ODF2L: variants seen among roughly 807,000 people sequenced by gnomAD.
ODF2L encodes protein BCAP.
Under a neutral mutation model 86.3 loss-of-function variants are expected in ODF2L, and 76 were observed. That is an observed-to-expected ratio of 0.88 (90% CI 0.73 to 1.07). The LOEUF is 1.07. Among genes scored for constraint, ODF2L ranks in the 50% least tolerant of loss-of-function variants. The pLI is 0.00. For missense variants in ODF2L, 748 were observed against 717.4 expected, an observed-to-expected ratio of 1.04 and a Z score of -0.49; for synonymous variants, 241 against 231.3, an observed-to-expected ratio of 1.04 and a Z score of -0.38.
chr1:86,371,030 A>C (rs1196123040), exon 10 of ODF2L: 1 of 1,568,538 alleles, frequency 6.4e-7, no homozygotes, highest in Non-Finnish European at 8.6e-7. Context: ...TTAATTTTGT[A>C]TTCTCAAGAT....
chr1:86,365,409 T>C (rs762726179), intron 11 of ODF2L, among the ~76,000 whole-genome samples: 1 of 151,992 alleles, frequency 6.6e-6, no homozygotes, highest in Non-Finnish European at 1.5e-5. Context: ...CTGGTATGGA[T>C]GGATGGAGGG....
rs573847182 is a variant in ODF2L at position 86,362,998 on chromosome 1, T to C, written c.1144-2462A>G. Among the ~76,000 whole-genome samples, 48 of 151,854 alleles carry C rather than the reference T, an allele frequency of 3.2e-4. No homozygotes were observed. In the South Asian group the frequency reaches 9.5e-3, roughly 30 times the overall value. On this transcript the variant is annotated intron_variant, in intron 11 of 17. Transcript: ENST00000317336. ...AAACAACTCTACTGCTAATACTGAA[T>C]GCTGCCTGCAGGGGCCAGGGCTGAA...
At chr1:86,355,528 A>G in intron 14 of ODF2L, 1 of 617,180 alleles carries the variant, frequency 1.6e-6, no homozygotes, top group Non-Finnish European at 2.9e-6. Flanking sequence ...TTTTGTCTGC[A>G]TATTTTTATC....
chr1:86,390,060 C>CA (rs910952890), intron 1 of ODF2L, among the ~76,000 whole-genome samples: 2 of 152,124 alleles, frequency 1.3e-5, no homozygotes, highest in African/African-American at 4.8e-5. Flanking sequence ...ACCCTAATGC[C>CA]AAAACCAGGA....
chr1:86,370,937 A>G, intron 10 of ODF2L, 81 bp downstream of exon 10: 1 of 872,708 alleles, frequency 1.1e-6, no homozygotes, highest in Non-Finnish European at 1.7e-6. Context: ...CTCTAAACAT[A>G]CTCTTTCTTC....
chr1:86,349,280 GATA>G (rs1301195041), downstream of ODF2L: 1 of 152,204 alleles, frequency 6.6e-6, no homozygotes, highest in Non-Finnish European at 1.5e-5. Context: ...TTCTAGTTTT[GATA>G]ATGTGAACAT....
In ODF2L at chr1:86,376,311, CT is replaced by C. The variant is rs36121011; in HGVS notation, c.731del (p.Lys244ArgfsTer49). The stretch of plus-strand genomic sequence containing the variant: ...GCCTTTGTTTGTAAACTTTAGATGC[CT>C]TTTTTAAAGCTACAGTTTTTTGCCT... On this transcript the variant is annotated frameshift_variant, in exon 8 of 18. Coordinates refer to ENST00000317336, the Ensembl canonical transcript of ODF2L. LOFTEE classifies it high-confidence loss of function. 1 of 1,612,238 alleles carries C rather than the reference CT, an allele frequency of 6.2e-7. No individual in the cohort carries two copies. The highest frequency in any genetic ancestry group is 8.5e-7 in the Non-Finnish European group (1 of 1,178,770).
chr1:86,386,902 C>T lies in ODF2L; in HGVS notation c.113+13G>A, dbSNP rs777680260. ...TCGGAAATTTAGATTTCCCCTGATA[C>T]TGATGAGAATACCAGCTGAGATGAC... On this transcript the variant is annotated intron_variant, in intron 2 of 17. Transcript: ENST00000317336. 1 of 1,333,696 alleles carries T rather than the reference C, an allele frequency of 7.5e-7. No homozygotes were observed. The allele number at this position is 1,333,696 out of a possible 1,614,324, so 82.6% of individuals were successfully genotyped here.
At chr1:86,373,642 A>C (rs1039775264) in intron 8 of ODF2L, among the ~76,000 whole-genome samples, 3 of 152,064 alleles carry the variant, frequency 2.0e-5, no homozygotes, top group African/African-American at 4.8e-5. Flanking sequence ...TATAGAGAGA[A>C]GATGGTAACA....
intron 1 of ODF2L, among the ~76,000 whole-genome samples, chr1:86,392,255 C>T (rs1050965277): frequency 3.3e-5 from 5 of 152,096 alleles, no homozygotes; most frequent in African/African-American, 9.7e-5. Context: ...CTAGTACAAC[C>T]GCTATGGAAA....
At chr1:86,362,181 G>C (rs900485216) in intron 11 of ODF2L, among the ~76,000 whole-genome samples, 1 of 152,026 alleles carries the variant, frequency 6.6e-6, no homozygotes, top group African/African-American at 2.4e-5. Flanking sequence ...AGAGGTAATA[G>C]AAAATGAGAT....
intron 11 of ODF2L, among the ~76,000 whole-genome samples, chr1:86,363,370 G>A (rs536027434): frequency 2.0e-5 from 3 of 152,176 alleles, no homozygotes; most frequent in South Asian, 2.1e-4. Flanking sequence ...TGAAAGCCTC[G>A]AGCACATAGA....
intron 8 of ODF2L, among the ~76,000 whole-genome samples, chr1:86,372,959 A>C (rs1260157719): frequency 1.3e-5 from 2 of 152,146 alleles, no homozygotes; most frequent in African/African-American, 4.8e-5. Context: ...GACTTTAGGA[A>C]CTAGGGAGAA....
exon 16 of ODF2L, chr1:86,354,576 G>A: frequency 6.2e-7 from 1 of 1,608,684 alleles, no homozygotes; most frequent in Non-Finnish European, 8.5e-7. Flanking sequence ...TCTGGCCAAT[G>A]CTGTATACTC....
At chr1:86,369,802 G>A (rs957977389) in intron 10 of ODF2L, among the ~76,000 whole-genome samples, 3 of 152,018 alleles carry the variant, frequency 2.0e-5, no homozygotes, top group African/African-American at 7.2e-5. Context: ...CTCTTTTCAG[G>A]CCACAACATT....
chr1:86,384,655 T>C (rs2101378657), intron 4 of ODF2L, 21 bp downstream of exon 4: 1 of 1,353,680 alleles, frequency 7.4e-7, no homozygotes, highest in Non-Finnish European at 9.7e-7. Flanking sequence ...TTAAAATGAG[T>C]GCTTAGTGTT....
chr1:86,372,703 T>G, intron 8 of ODF2L, 163 bp from the exon 9 acceptor site: 1 of 407,302 alleles, frequency 2.5e-6, no homozygotes, highest in East Asian at 4.0e-5. Flanking sequence ...GTGCAATTCA[T>G]AATTGCAAAA....
chr1:86,354,500 A>T, intron 16 of ODF2L, 30 bp downstream of exon 15: 1 of 1,466,638 alleles, frequency 6.8e-7, no homozygotes, highest in Non-Finnish European at 9.4e-7. Flanking sequence ...TAAATGAATT[A>T]AAAAGTTTCT....
chr1:86,358,742 G>A lies in ODF2L; in HGVS notation c.1359+45C>T, dbSNP rs899153147. On this transcript the variant is annotated intron_variant, in intron 13 of 17. Transcript: ENST00000317336. ...AATGAATTTGTGTACTATTCATAAA[G>A]TAAAAAATATATAAAATATTATTTA... 4 of 829,976 alleles carry A rather than the reference G, an allele frequency of 4.8e-6. No individual in the cohort carries two copies. In the Admixed American group the frequency reaches 1.3e-4, roughly 26 times the overall value. The allele number at this position is 829,976 out of a possible 1,614,324, so 51.4% of individuals were successfully genotyped here. A position where few individuals can be genotyped will look rare whatever the true frequency, so the allele number is the denominator to read the frequency against.
Sources: allele counts gnomAD v4.1 joint callset (sites outside exome capture counted in the v4.1 genomes callset), GRCh38; gene constraint gnomAD v4.1.1; transcripts MANE v1.5; gene names NCBI Gene and HGNC (gene_info 2026-07-23, HGNC 2026-07-21).